GRID2: variants seen among roughly 807,000 people sequenced by gnomAD.
GRID2 encodes the protein glutamate ionotropic receptor delta type subunit 2, also known as glutamate receptor ionotropic, delta-2.
A neutral mutation model predicts 114.8 loss-of-function variants in GRID2; 33 were observed. The observed-to-expected ratio is 0.29, with a 90% CI of 0.22 to 0.38. The LOEUF is 0.38. Among genes scored for constraint, GRID2 ranks in the 10% least tolerant of loss-of-function variants. The pLI, the probability that GRID2 is intolerant of heterozygous loss-of-function variation, is 1.00. For missense variants in GRID2, 1,184 were observed against 1,257.7 expected, an observed-to-expected ratio of 0.94 and a Z score of 0.89; for synonymous variants, 505 against 449.9, an observed-to-expected ratio of 1.12 and a Z score of -1.55.
intron 1 of GRID2, among the ~76,000 whole-genome samples, chr4:92,334,586 G>A (rs770616233): frequency 6.9e-6 from 1 of 145,602 alleles, no homozygotes; most frequent in African/African-American, 2.5e-5. Context: ...GTCTCAACTC[G>A]TTTTTTTTTT....
At chr4:93,334,825 G>A (rs538274519) in intron 8 of GRID2, among the ~76,000 whole-genome samples, 71 of 152,234 alleles carry the variant, frequency 4.7e-4, no homozygotes, top group African/African-American at 1.6e-3. Context: ...CGGCTACTCG[G>A]GAGGCTAAGG....
At chr4:92,766,759 G>A (rs747446897) in intron 2 of GRID2, among the ~76,000 whole-genome samples, 20 of 152,178 alleles carry the variant, frequency 1.3e-4, no homozygotes, top group Non-Finnish European at 2.1e-4. Flanking sequence ...CAATGCTTCT[G>A]AGAAGCTGCT....
At chr4:92,941,918 A>T (rs529796725) in intron 2 of GRID2, among the ~76,000 whole-genome samples, 2 of 152,186 alleles carry the variant, frequency 1.3e-5, no homozygotes, top group African/African-American at 4.8e-5. Context: ...GTTTGATTGC[A>T]CTGTGGTCTG....
At chr4:93,129,981 A>G (rs568468427) in intron 4 of GRID2, among the ~76,000 whole-genome samples, 3 of 152,328 alleles carry the variant, frequency 2.0e-5, no homozygotes, top group South Asian at 2.1e-4. Flanking sequence ...CTTTAAGCAA[A>G]TTGACCAATC....
chr4:92,531,160 T>G (rs751633560), intron 1 of GRID2, among the ~76,000 whole-genome samples: 3 of 152,144 alleles, frequency 2.0e-5, no homozygotes, highest in Non-Finnish European at 4.4e-5. Context: ...TATTTGCTAA[T>G]CACTGGAGCT....
chr4:92,569,146 C>T (rs1399890932), intron 1 of GRID2, among the ~76,000 whole-genome samples: 1 of 151,960 alleles, frequency 6.6e-6, no homozygotes, highest in Non-Finnish European at 1.5e-5. Flanking sequence ...CAACAGGCCC[C>T]AGTGTATCTT....
intron 11 of GRID2, among the ~76,000 whole-genome samples, chr4:93,465,768 A>G (rs1222320963): frequency 6.6e-6 from 1 of 152,256 alleles, no homozygotes; most frequent in Non-Finnish European, 1.5e-5. Flanking sequence ...AAGCATAAGG[A>G]AATATATTAG....
chr4:92,380,824 T>C (rs901306772), intron 1 of GRID2, among the ~76,000 whole-genome samples: 11 of 152,160 alleles, frequency 7.2e-5, no homozygotes, highest in Middle Eastern at 3.4e-3. Context: ...AATTAAATTA[T>C]ATAACCAAAA....
At chr4:92,662,287 G>A (rs1579793089) in intron 2 of GRID2, among the ~76,000 whole-genome samples, 1 of 151,062 alleles carries the variant, frequency 6.6e-6, no homozygotes, top group Admixed American at 6.6e-5. Flanking sequence ...CCTCTAAGTA[G>A]AAGGAAGCAT....
rs141489002 is a variant in GRID2 at position 93,310,843 on chromosome 4, A to G, written c.1245+72353A>G. On this transcript the variant is annotated intron_variant, in intron 8 of 15. Transcript: ENST00000282020. Reference sequence around the variant, plus strand: ...TTCAGGTGAGCAGACTGTTGTCTCTAAATTGATCTGCAAGAATTTCCTGAA... The same window carrying G: ...TTCAGGTGAGCAGACTGTTGTCTCTGAATTGATCTGCAAGAATTTCCTGAA... 1.3e-4 allele frequency among the ~76,000 whole-genome samples: 20 copies of G among 152,314 alleles called. No individual in the cohort carries two copies. The East Asian group carries it at 3.7e-3, about 28-fold the overall frequency.
At chr4:92,950,254 A>C (rs1485772004) in intron 2 of GRID2, among the ~76,000 whole-genome samples, 1 of 152,136 alleles carries the variant, frequency 6.6e-6, no homozygotes, top group Non-Finnish European at 1.5e-5. Flanking sequence ...TGTTGGCTCA[A>C]AATATGTGTT....
intron 2 of GRID2, among the ~76,000 whole-genome samples, chr4:92,814,895 C>T (rs968280331): frequency 1.3e-5 from 2 of 152,040 alleles, no homozygotes; most frequent in African/African-American, 4.8e-5. Context: ...GAAAGAGAAA[C>T]CTTTCTCCCT....
intron 13 of GRID2, among the ~76,000 whole-genome samples, chr4:93,569,289 A>G (rs545983443): frequency 6.6e-6 from 1 of 152,236 alleles, no homozygotes; most frequent in East Asian, 1.9e-4. Context: ...CACTTACTCA[A>G]TAAATCACTC....
intron 8 of GRID2, among the ~76,000 whole-genome samples, chr4:93,251,380 A>G (rs1400376530): frequency 6.6e-6 from 1 of 152,120 alleles, no homozygotes; most frequent in Non-Finnish European, 1.5e-5. Flanking sequence ...AAATGGCAAA[A>G]ATTGATTTAT....
chr4:93,627,593 T>A (rs182021242), intron 14 of GRID2, among the ~76,000 whole-genome samples: 1 of 152,300 alleles, frequency 6.6e-6, no homozygotes, highest in Non-Finnish European at 1.5e-5. Flanking sequence ...GTAATTTGGT[T>A]GTGTTATGCT....
At chr4:93,179,382 T>G (rs1364221700) in intron 4 of GRID2, among the ~76,000 whole-genome samples, 2 of 152,168 alleles carry the variant, frequency 1.3e-5, no homozygotes, top group Non-Finnish European at 2.9e-5. Context: ...AAAAATCAAA[T>G]GAAATGTACA....
At chr4:92,886,252 G>A (rs1746360713) in intron 2 of GRID2, among the ~76,000 whole-genome samples, 1 of 152,002 alleles carries the variant, frequency 6.6e-6, no homozygotes. Context: ...ATATAAGCAT[G>A]GTTTGATATT....
chr4:93,285,249 C>T (rs920495189), intron 8 of GRID2, among the ~76,000 whole-genome samples: 1 of 151,940 alleles, frequency 6.6e-6, no homozygotes, highest in African/African-American at 2.4e-5. Context: ...ACTTAAGTTC[C>T]TTTAAAGACC....
At chr4:93,067,076 G>A (rs958704480) in intron 2 of GRID2, among the ~76,000 whole-genome samples, 3 of 151,880 alleles carry the variant, frequency 2.0e-5, no homozygotes, top group African/African-American at 7.3e-5. Flanking sequence ...TTCAGACCAT[G>A]GTTGACTCCA....
Sources: allele counts gnomAD v4.1 joint callset (sites outside exome capture counted in the v4.1 genomes callset), GRCh38; gene constraint gnomAD v4.1.1; transcripts MANE v1.5; gene names NCBI Gene and HGNC (gene_info 2026-07-23, HGNC 2026-07-21).